The following RRAGD variants were observed in gnomAD, a reference collection of about 807,000 sequenced individuals.
The protein encoded by RRAGD is ras-related GTP-binding protein D.
Under a neutral mutation model 35.5 loss-of-function variants are expected in RRAGD, and 12 were observed. The ratio of observed to expected loss-of-function variants is 0.34; its 90% CI spans 0.22 to 0.55. The LOEUF (loss-of-function observed/expected upper bound fraction) is 0.55, where lower values mean the gene tolerates loss of function less well. Among genes scored for constraint, RRAGD ranks in the 20% least tolerant of loss-of-function variants. The pLI, the probability that RRAGD is intolerant of heterozygous loss-of-function variation, is 0.91. For missense variants in RRAGD, 324 were observed against 490.1 expected, an observed-to-expected ratio of 0.66 and a Z score of 3.20; for synonymous variants, 155 against 178.9, an observed-to-expected ratio of 0.87 and a Z score of 1.07.
intron 2 of RRAGD, 141 bp from the exon 3 acceptor site, chr6:89,380,508 A>G (rs1769023757): frequency 1.5e-6 from 1 of 661,078 alleles, no homozygotes; most frequent in Non-Finnish European, 2.5e-6. Context: ...GGCTTCTTAT[A>G]ATTCCAGTGT....
intron 1 of RRAGD, among the ~76,000 whole-genome samples, chr6:89,390,248 A>C (rs528066957): frequency 4.6e-5 from 7 of 152,390 alleles, no homozygotes; most frequent in African/African-American, 1.7e-4. Flanking sequence ...ACAGAATGGG[A>C]GAAAACATTT....
intron 1 of RRAGD, among the ~76,000 whole-genome samples, chr6:89,403,918 A>G (rs1206167305): frequency 1.3e-5 from 2 of 152,118 alleles, no homozygotes; most frequent in African/African-American, 4.8e-5. Context: ...TTGGCATCCC[A>G]AAGTGTTGGG....
rs114703870 is a variant in RRAGD, at chr6:89,392,372, T to C, written c.149-4782A>G. On this transcript the variant is annotated intron_variant, in intron 1 of 6. Coordinates refer to ENST00000369415, the MANE Select transcript of RRAGD (RefSeq NM_021244.5). ...GCATGCAGCTGTCATCCCAGCCATT[T>C]GGGAGGCTAAAGTGGGAGGATCCCT... Among the ~76,000 whole-genome samples, 1,261 of 151,192 alleles carry C rather than the reference T, an allele frequency of 8.3e-3. 15 individuals are homozygous for C. The highest frequency in any genetic ancestry group is 0.029 in the African/African-American group (1,186 of 41,098).
At position 89,365,067 on chromosome 6, in the gene RRAGD, A is replaced by T. The variant is rs1768715398; in HGVS notation, c.*2989T>A. On this transcript the variant is annotated 3_prime_UTR_variant, in exon 7 of 7. Coordinates refer to ENST00000369415, the MANE Select transcript of RRAGD (RefSeq NM_021244.5). ...GCTGTTTTTCCAGAGTATATTTCAA[A>T]CAGAGTTGGCATATAACCCGTATGT... 1 of 152,222 alleles carries T rather than the reference A, an allele frequency of 6.6e-6. No individual in the cohort carries two copies. The highest frequency in any genetic ancestry group is 2.4e-5 in the African/African-American group (1 of 41,456). 9.4% of individuals were successfully genotyped at this position (152,222 alleles called of 1,614,324 possible).
chr6:89,377,536 G>T, intron 5 of RRAGD, 135 bp downstream of exon 5: 1 of 740,956 alleles, frequency 1.3e-6, no homozygotes, highest in Non-Finnish European at 2.2e-6. Flanking sequence ...CATGCTAACT[G>T]GTATATTTAT....
intron 5 of RRAGD, 60 bp downstream of exon 5, chr6:89,377,611 G>A: frequency 7.0e-7 from 1 of 1,419,932 alleles, no homozygotes; most frequent in Admixed American, 2.7e-5. Flanking sequence ...AATGCAAAAT[G>A]CCTGAAAGGT....
intron 1 of RRAGD, among the ~76,000 whole-genome samples, chr6:89,398,225 CG>C (rs1485341183): frequency 1.3e-5 from 2 of 152,042 alleles, no homozygotes; most frequent in African/African-American, 4.8e-5. Flanking sequence ...TATGGGAAAA[CG>C]TTTGGAAGTG....
intron 1 of RRAGD, among the ~76,000 whole-genome samples, chr6:89,410,165 G>C (rs1582528716): frequency 6.6e-6 from 1 of 152,164 alleles, no homozygotes; most frequent in South Asian, 2.1e-4. Context: ...CCCACTTAAA[G>C]AACTGCAGAA....
chr6:89,394,055 T>C (rs1244905471), intron 1 of RRAGD, among the ~76,000 whole-genome samples: 4 of 152,174 alleles, frequency 2.6e-5, no homozygotes, highest in East Asian at 3.9e-4. Context: ...AGGAATAAGA[T>C]TCAGAAGAAC....
chr6:89,408,097 A>T (rs1384136264), intron 1 of RRAGD, among the ~76,000 whole-genome samples: 1 of 152,228 alleles, frequency 6.6e-6, no homozygotes, highest in Non-Finnish European at 1.5e-5. Flanking sequence ...TTCCAGGGCC[A>T]GAAGGAAATC....
At chr6:89,395,049 G>C (rs1441551184) in intron 1 of RRAGD, among the ~76,000 whole-genome samples, 1 of 152,108 alleles carries the variant, frequency 6.6e-6, no homozygotes, top group African/African-American at 2.4e-5. Flanking sequence ...TTGAGCCCAA[G>C]AGTTTGAGAC....
At position 89,365,602 on chromosome 6, in the gene RRAGD, G is replaced by A. The variant is rs956980309; in HGVS notation, c.*2454C>T. ...TCATTGCCACACTTACAAAGTTAGA[G>A]GCAGTAATCTATATTAGCGTGTGAT... On this transcript the variant is annotated 3_prime_UTR_variant, in exon 7 of 7. Coordinates refer to ENST00000369415, the MANE Select transcript of RRAGD (RefSeq NM_021244.5). The A allele has an allele frequency of 6.6e-6, 1 of 152,172 alleles. No individual in the cohort carries two copies. Among genetic ancestry groups the A allele is most frequent in the Non-Finnish European group, 1.5e-5 (1 of 68,030 alleles). The allele number at this position is 152,172 out of a possible 1,614,324, so 9.4% of individuals were successfully genotyped here.
intron 1 of RRAGD, among the ~76,000 whole-genome samples, chr6:89,406,472 C>G (rs964926040): frequency 6.6e-6 from 1 of 151,856 alleles, no homozygotes; most frequent in African/African-American, 2.4e-5. Context: ...GGCTGGACAT[C>G]GAGAGGAGTG....
At chr6:89,368,238 G>A (rs1366039962) in intron 6 of RRAGD, 31 bp from the exon 7 acceptor site, 3 of 1,597,540 alleles carry the variant, frequency 1.9e-6, no homozygotes, top group Non-Finnish European at 2.6e-6. Context: ...ATTTATAAAT[G>A]TCACGTAGAA....
At chr6:89,380,435 C>A in intron 2 of RRAGD, 68 bp from the exon 3 acceptor site, 1 of 1,370,818 alleles carries the variant, frequency 7.3e-7, no homozygotes, top group South Asian at 1.3e-5. Flanking sequence ...ACACACTCTT[C>A]ACCTGGAAAC....
chr6:89,367,967 A>G lies in RRAGD; in HGVS notation c.*89T>C. ...ACAACAAATCAATGGTATGTGTCCC[A>G]ATCTCCTTCTTCCTCTTCCTTTAGT... On this transcript the variant is annotated 3_prime_UTR_variant, in exon 7 of 7. Coordinates refer to ENST00000369415, the MANE Select transcript of RRAGD (RefSeq NM_021244.5). 1 of 1,163,294 alleles carries G rather than the reference A, an allele frequency of 8.6e-7. No individual in the cohort carries two copies. Among genetic ancestry groups the G allele is most frequent in the Non-Finnish European group, 1.2e-6 (1 of 844,720 alleles). The allele number at this position is 1,163,294 out of a possible 1,614,324, so 72.1% of individuals were successfully genotyped here.
rs1004919446 is a variant in RRAGD at position 89,365,301 on chromosome 6, G to A, written c.*2755C>T. 1 of 152,154 alleles carries A rather than the reference G, an allele frequency of 6.6e-6. No individual in the cohort carries two copies. The highest frequency in any genetic ancestry group is 1.5e-5 in the Non-Finnish European group (1 of 68,044). 9.4% of individuals were successfully genotyped at this position (152,154 alleles called of 1,614,324 possible). ...ATTCTAATTGACTCAACAGGGAAAGGACTGCCCTGCTCCTTTTGAGGAAGG... is the reference window on the plus strand; with the variant it reads ...ATTCTAATTGACTCAACAGGGAAAGAACTGCCCTGCTCCTTTTGAGGAAGG... On this transcript the variant is annotated 3_prime_UTR_variant, in exon 7 of 7. Transcript: ENST00000369415.
chr6:89,403,490 G>T (rs1769517432), intron 1 of RRAGD, among the ~76,000 whole-genome samples: 2 of 151,964 alleles, frequency 1.3e-5, no homozygotes, highest in Admixed American at 1.3e-4. Context: ...CAATTCAAAG[G>T]TACTTAGGGA....
chr6:89,410,986 C>T (rs1019821559), intron 1 of RRAGD, among the ~76,000 whole-genome samples: 2 of 152,124 alleles, frequency 1.3e-5, no homozygotes, highest in Non-Finnish European at 2.9e-5. Flanking sequence ...AACTTTTGCT[C>T]GCTTCTGAGG....
Sources: gnomAD v4.1 joint callset for allele counts (sites outside exome capture counted in the v4.1 genomes callset) on GRCh38, gnomAD v4.1.1 for gene constraint, MANE v1.5 for transcripts, NCBI Gene and HGNC (gene_info 2026-07-23, HGNC 2026-07-21) for gene names.